CDH22: variants seen among roughly 807,000 people sequenced by gnomAD.
CDH22 encodes the protein cadherin-22.
In CDH22, 30 loss-of-function variants were observed where a neutral mutation model predicts 58.4. The observed-to-expected ratio is 0.51, with a 90% CI of 0.38 to 0.70. The LOEUF is 0.70. CDH22 is among the 30% of genes least tolerant of loss of function. CDH22 has a pLI of 0.00. For synonymous variants in CDH22, 513 were observed against 558.2 expected, an observed-to-expected ratio of 0.92 and a Z score of 1.14; for missense variants, 1,014 against 1,233.9, an observed-to-expected ratio of 0.82 and a Z score of 2.67.
At chr20:46,247,353 A>G (rs935934742) in intron 2 of CDH22, among the ~76,000 whole-genome samples, 1 of 126,496 alleles carries the variant, frequency 7.9e-6, no homozygotes, top group African/African-American at 2.8e-5. Context: ...AGAGGGTAAA[A>G]AAGTTGGCCC....
At chr20:46,270,876 C>A (rs1470820330) in intron 1 of CDH22, among the ~76,000 whole-genome samples, 1 of 152,214 alleles carries the variant, frequency 6.6e-6, no homozygotes, top group East Asian at 1.9e-4. Context: ...AGCTTTGTTG[C>A]TACCAAATGT....
chr20:46,176,180 T>C (rs1042618762), intron 11 of CDH22, among the ~76,000 whole-genome samples: 5 of 152,206 alleles, frequency 3.3e-5, no homozygotes, highest in Admixed American at 6.5e-5. Flanking sequence ...TCTGTGTCCA[T>C]GCTCCCTCTC....
chr20:46,199,889 C>G (rs531228771), intron 7 of CDH22, among the ~76,000 whole-genome samples: 1 of 152,292 alleles, frequency 6.6e-6, no homozygotes, highest in Admixed American at 6.5e-5. Flanking sequence ...ATACTCTCTT[C>G]TTTCTTTTCT....
chr20:46,226,295 T>TTCTTC (rs1600705811), intron 4 of CDH22, among the ~76,000 whole-genome samples: 1 of 105,382 alleles, frequency 9.5e-6, no homozygotes, highest in South Asian at 3.4e-4. Flanking sequence ...TCTTCTTCTT[T>TTCTTC]TTTTTTTTGA....
At chr20:46,176,960 C>T (rs531995048) in intron 11 of CDH22, among the ~76,000 whole-genome samples, 1 of 152,286 alleles carries the variant, frequency 6.6e-6, no homozygotes, top group Admixed American at 6.5e-5. Flanking sequence ...TTTGCACTGC[C>T]TCGGAAAATG....
Position 46,216,863 on chromosome 20 carries a change from G to A in CDH22, c.801C>T (p.Val267=). ...LSGSTTVTIV[V]TDVNDNPPRF... is the part of the protein sequence containing the mutation. The stretch of plus-strand genomic sequence containing the variant: ...GGGGCGGGTTGTCATTGACGTCGGT[G>A]ACTACGATGGTGACGGTAGTGGAGC... The change falls in exon 5 of 12, where the codon GTC becomes GTT. Residue 267 remains valine, a synonymous_variant. Coordinates refer to ENST00000537909, the MANE Select transcript of CDH22 (RefSeq NM_021248.3). This position sits in a 1 kb window ranked among gnomAD's most constrained non-coding sequence, Gnocchi z 5.3. 1 of 1,605,472 alleles carries A rather than the reference G, an allele frequency of 6.2e-7. No individual in the cohort carries two copies. Among genetic ancestry groups the A allele is most frequent in the South Asian group, 1.1e-5 (1 of 90,910 alleles).
At chr20:46,286,773 A>G (rs2086578844) in intron 1 of CDH22, among the ~76,000 whole-genome samples, 1 of 152,080 alleles carries the variant, frequency 6.6e-6, no homozygotes, top group Non-Finnish European at 1.5e-5. Flanking sequence ...GCCAGCTGCT[A>G]TATCTGTCTA....
chr20:46,283,327 CAG>C (rs2145769545), intron 1 of CDH22, among the ~76,000 whole-genome samples: 1 of 152,280 alleles, frequency 6.6e-6, no homozygotes, highest in Admixed American at 6.5e-5. Flanking sequence ...TACACAGACT[CAG>C]ATTCCGATTC....
chr20:46,301,816 A>G (rs2086653444), intron 1 of CDH22, among the ~76,000 whole-genome samples: 1 of 152,110 alleles, frequency 6.6e-6, no homozygotes, highest in Admixed American at 6.5e-5. Context: ...CGTCTCAAAT[A>G]TATATATAGT....
Position 46,179,104 on chromosome 20 carries a change from C to T in CDH22, c.1664-907G>A, listed in dbSNP as rs141439558. On this transcript the variant is annotated intron_variant, in intron 10 of 11. Transcript: ENST00000537909. ...TTCTCCGCCCTTTCTGCCTCCTTCACACCTGTTCTGTAGGAGTCAGGCCAC... is the reference window on the plus strand; with the variant it reads ...TTCTCCGCCCTTTCTGCCTCCTTCATACCTGTTCTGTAGGAGTCAGGCCAC... 3.1e-3 allele frequency among the ~76,000 whole-genome samples: 476 copies of T among 152,370 alleles called. 2 individuals are homozygous for T. Among genetic ancestry groups the T allele is most frequent in the African/African-American group, 0.011 (455 of 41,586 alleles).
intron 10 of CDH22, among the ~76,000 whole-genome samples, chr20:46,179,697 A>C (rs992769376): frequency 1.4e-4 from 21 of 152,264 alleles, no homozygotes; most frequent in African/African-American, 4.8e-4. Context: ...TCTAAGCTTC[A>C]GTTTACCCAT....
At chr20:46,259,270 T>C (rs2086420606) in intron 1 of CDH22, among the ~76,000 whole-genome samples, 1 of 152,222 alleles carries the variant, frequency 6.6e-6, no homozygotes, top group South Asian at 2.1e-4. Flanking sequence ...ACATGTACCA[T>C]TTTCTCATTT....
chr20:46,233,500 A>G (rs2086233167), intron 3 of CDH22, among the ~76,000 whole-genome samples: 1 of 152,236 alleles, frequency 6.6e-6, no homozygotes, highest in South Asian at 2.1e-4. Flanking sequence ...GCAGAAAGCA[A>G]ACATTTTTGC....
At chr20:46,199,075 A>G (rs1348715330) in intron 8 of CDH22, among the ~76,000 whole-genome samples, 1 of 152,094 alleles carries the variant, frequency 6.6e-6, no homozygotes, top group Non-Finnish European at 1.5e-5. Flanking sequence ...TGGATCCCCA[A>G]CCCCTAAAAC....
At chr20:46,295,271 C>T (rs565110493) in intron 1 of CDH22, among the ~76,000 whole-genome samples, 2 of 152,318 alleles carry the variant, frequency 1.3e-5, no homozygotes, top group South Asian at 2.1e-4. Context: ...ATCCTGTGCT[C>T]TCCCTATTCA....
chr20:46,220,626 C>G (rs1023137620), intron 4 of CDH22: 1 of 152,336 alleles, frequency 6.6e-6, no homozygotes, highest in Non-Finnish European at 1.5e-5. Context: ...GGCTCAGTGT[C>G]CCAGCTCTGA....
chr20:46,183,018 CT>C (rs11479365), intron 10 of CDH22, among the ~76,000 whole-genome samples: 14,177 of 151,588 alleles, frequency 0.094, 706 homozygotes, highest in Non-Finnish European at 0.12. Context: ...GTGCCCCCCC[CT>C]CTCCCCCAGC....
At chr20:46,179,406 A>G (rs1049813727) in intron 10 of CDH22, among the ~76,000 whole-genome samples, 7 of 152,078 alleles carry the variant, frequency 4.6e-5, no homozygotes, top group South Asian at 4.1e-4. Flanking sequence ...GACGACCCCA[A>G]TTCAGTGTCC....
chr20:46,215,147 A>T (rs150243859), intron 5 of CDH22, among the ~76,000 whole-genome samples: 1 of 152,364 alleles, frequency 6.6e-6, no homozygotes, highest in East Asian at 1.9e-4. Flanking sequence ...CCCATGACCC[A>T]GCAATTTCAC....
Sources: gnomAD v4.1 joint callset for allele counts (sites outside exome capture counted in the v4.1 genomes callset) on GRCh38, gnomAD v4.1.1 for gene constraint, Gnocchi (gnomAD v3.1) non-coding constraint, MANE v1.5 for transcripts, NCBI Gene and HGNC (gene_info 2026-07-23, HGNC 2026-07-21) for gene names.